Variants in KCTD8 observed in about 807,000 individuals in gnomAD.
KCTD8 encodes the protein BTB/POZ domain-containing protein KCTD8.
KCTD8 carries 27 observed loss-of-function variants against 31.5 expected under a neutral mutation model. The observed-to-expected ratio is 0.86, with a 90% CI of 0.63 to 1.18. The LOEUF is 1.18. Ranked by LOEUF, KCTD8 falls within the 50% of genes most tolerant of loss-of-function variation. The pLI, the probability that KCTD8 is intolerant of heterozygous loss-of-function variation, is 0.00. For missense variants in KCTD8, 658 were observed against 647.7 expected (o/e 1.02, Z -0.17); for synonymous variants, 290 against 280.0 (o/e 1.04, Z -0.36).
chr4:44,230,748 T>C (rs1374352537), intron 1 of KCTD8, among the ~76,000 whole-genome samples: 1 of 152,166 alleles, frequency 6.6e-6, no homozygotes, highest in East Asian at 1.9e-4. Context: ...CCCTTGAGTG[T>C]TGTTTCTCAT....
intron 1 of KCTD8, among the ~76,000 whole-genome samples, chr4:44,341,261 CTGG>C (rs1718889022): frequency 6.6e-6 from 1 of 152,170 alleles, no homozygotes; most frequent in African/African-American, 2.4e-5. Flanking sequence ...AATCCTTTTG[CTGG>C]TGGAGGATCC....
At chr4:44,275,598 G>A (rs1378130823) in intron 1 of KCTD8, among the ~76,000 whole-genome samples, 1 of 152,032 alleles carries the variant, frequency 6.6e-6, no homozygotes, top group South Asian at 2.1e-4. Context: ...TTGAAATAAG[G>A]TTTAATCAAA....
chr4:44,367,512 C>T (rs947652036), intron 1 of KCTD8, among the ~76,000 whole-genome samples: 1 of 152,018 alleles, frequency 6.6e-6, no homozygotes, highest in Admixed American at 6.6e-5. Context: ...AATCATGGAC[C>T]TTATAAAGAA....
At chr4:44,404,884 G>A (rs1720747374) in intron 1 of KCTD8, among the ~76,000 whole-genome samples, 1 of 152,120 alleles carries the variant, frequency 6.6e-6, no homozygotes, top group Non-Finnish European at 1.5e-5. Context: ...AGACTTTCAG[G>A]AGCTAAATGC....
chr4:44,235,478 C>T (rs1364244999), intron 1 of KCTD8, among the ~76,000 whole-genome samples: 1 of 133,066 alleles, frequency 7.5e-6, no homozygotes, highest in Admixed American at 7.7e-5. Context: ...AAGAGAGAGA[C>T]TGGATGACTG....
intron 1 of KCTD8, among the ~76,000 whole-genome samples, chr4:44,404,744 C>A (rs1231497200): frequency 6.6e-6 from 1 of 152,120 alleles, no homozygotes; most frequent in Non-Finnish European, 1.5e-5. Context: ...TTCAAGAAAT[C>A]CCCTAACTTA....
chr4:44,323,008 T>G (rs1181659974), intron 1 of KCTD8, among the ~76,000 whole-genome samples: 1 of 152,008 alleles, frequency 6.6e-6, no homozygotes, highest in Non-Finnish European at 1.5e-5. Flanking sequence ...TAATTTAAAA[T>G]TAGGTAGCTT....
intron 1 of KCTD8, among the ~76,000 whole-genome samples, chr4:44,181,387 A>C (rs1040872381): frequency 1.3e-5 from 2 of 152,102 alleles, no homozygotes; most frequent in African/African-American, 4.8e-5. Flanking sequence ...CTGCGATTGC[A>C]GGCGCGCACC....
At chr4:44,221,222 G>T (rs992017523) in intron 1 of KCTD8, among the ~76,000 whole-genome samples, 1 of 152,074 alleles carries the variant, frequency 6.6e-6, no homozygotes, top group Non-Finnish European at 1.5e-5. Context: ...ACTATGTTAA[G>T]CTTTGACAGC....
chr4:44,288,433 T>C (rs868286968), intron 1 of KCTD8, among the ~76,000 whole-genome samples: 4 of 151,930 alleles, frequency 2.6e-5, no homozygotes, highest in African/African-American at 9.7e-5. Flanking sequence ...AACAGAAAAA[T>C]AGTGATACAT....
intron 1 of KCTD8, among the ~76,000 whole-genome samples, chr4:44,347,195 C>T (rs1719056896): frequency 6.6e-6 from 1 of 152,192 alleles, no homozygotes; most frequent in Admixed American, 6.5e-5. Flanking sequence ...TTCAAAGCTA[C>T]TATCATAGCT....
At chr4:44,332,237 G>A (rs1718606341) in intron 1 of KCTD8, among the ~76,000 whole-genome samples, 1 of 151,806 alleles carries the variant, frequency 6.6e-6, no homozygotes, top group Non-Finnish European at 1.5e-5. Flanking sequence ...GGTTTTCTTA[G>A]CAACTAACCT....
chr4:44,273,960 A>C (rs1716681203), intron 1 of KCTD8, among the ~76,000 whole-genome samples: 2 of 151,906 alleles, frequency 1.3e-5, no homozygotes, highest in South Asian at 4.1e-4. Flanking sequence ...CTTTTAAAAA[A>C]TCTAACTGTT....
At chr4:44,221,346 CAT>C (rs1491406171) in intron 1 of KCTD8, among the ~76,000 whole-genome samples, 2 of 135,470 alleles carry the variant, frequency 1.5e-5, no homozygotes, top group Non-Finnish European at 3.2e-5. Flanking sequence ...TGTGTGTGTG[CAT>C]GTGTGTGTGT....
At chr4:44,369,612 C>A (rs1479555214) in intron 1 of KCTD8, among the ~76,000 whole-genome samples, 1 of 152,060 alleles carries the variant, frequency 6.6e-6, no homozygotes, top group East Asian at 1.9e-4. Context: ...TCATGAACAG[C>A]CTGGGCTACG....
At chr4:44,330,436 A>C (rs1354074649) in intron 1 of KCTD8, among the ~76,000 whole-genome samples, 1 of 151,934 alleles carries the variant, frequency 6.6e-6, no homozygotes, top group Non-Finnish European at 1.5e-5. Context: ...AATTAGTTTC[A>C]TATACCATGT....
intron 1 of KCTD8, among the ~76,000 whole-genome samples, chr4:44,381,354 C>T (rs115559698): frequency 6.6e-6 from 1 of 151,838 alleles, no homozygotes; most frequent in Admixed American, 6.6e-5. Flanking sequence ...TACATACAAA[C>T]AATAAATTTC....
At chr4:44,192,992 G>A (rs1713809967) in intron 1 of KCTD8, among the ~76,000 whole-genome samples, 1 of 152,086 alleles carries the variant, frequency 6.6e-6, no homozygotes, top group Non-Finnish European at 1.5e-5. Flanking sequence ...AGCCTATCAT[G>A]AGACCCTGTG....
intron 1 of KCTD8, among the ~76,000 whole-genome samples, chr4:44,386,047 G>A (rs947281933): frequency 2.0e-5 from 3 of 151,352 alleles, no homozygotes; most frequent in African/African-American, 4.8e-5. Context: ...AAAAAAAAAC[G>A]GTTGATTTGT....
Sources: gnomAD v4.1 joint callset for allele counts (sites outside exome capture counted in the v4.1 genomes callset) on GRCh38, gnomAD v4.1.1 for gene constraint, MANE v1.5 for transcripts, NCBI Gene and HGNC (gene_info 2026-07-23, HGNC 2026-07-21) for gene names.